Variants in PLEKHB2 observed in about 807,000 individuals in gnomAD.
The protein encoded by PLEKHB2 is pleckstrin homology domain-containing family B member 2.
In PLEKHB2, 31 loss-of-function variants were observed where a neutral mutation model predicts 36.5. The ratio of observed to expected loss-of-function variants is 0.85; its 90% CI spans 0.64 to 1.15. PLEKHB2 has a LOEUF of 1.15. Ranked by LOEUF, PLEKHB2 falls within the 50% of genes most tolerant of loss-of-function variation. The probability of loss-of-function intolerance (pLI) is 0.00; values close to 1 mark genes in which losing one functional copy is unlikely to be tolerated. For missense variants in PLEKHB2, 262 were observed against 295.3 expected (o/e 0.89, Z 0.83); for synonymous variants, 119 against 112.0 (o/e 1.06, Z -0.39).
chr2:131,126,868 GC>G, intron 4 of PLEKHB2, 82 bp downstream of exon 4: 1 of 805,052 alleles, frequency 1.2e-6, no homozygotes, highest in South Asian at 1.5e-5. Context: ...AAAAGAAAGG[GC>G]GTGGAGTTTT....
At chr2:131,121,631 C>G (rs1351595002) in intron 2 of PLEKHB2, among the ~76,000 whole-genome samples, 2 of 152,196 alleles carry the variant, frequency 1.3e-5, no homozygotes, top group African/African-American at 2.4e-5. Context: ...GTGCTGGTCT[C>G]TCTGCCTGTC....
At chr2:131,140,105 C>T (rs1698631926) in intron 6 of PLEKHB2, 62 bp from the exon 7 acceptor site, 1 of 1,006,110 alleles carries the variant, frequency 9.9e-7, no homozygotes, top group Non-Finnish European at 1.5e-6. Flanking sequence ...CTGGAGACCA[C>T]AATTTTAATA....
intron 5 of PLEKHB2, 64 bp from the exon 6 acceptor site, chr2:131,132,838 C>A: frequency 1.1e-6 from 1 of 884,064 alleles, no homozygotes. Context: ...AGGGACAATG[C>A]ACAGCATCGA....
chr2:131,143,657 G>T (rs1347978939), intron 7 of PLEKHB2, among the ~76,000 whole-genome samples: 1 of 152,138 alleles, frequency 6.6e-6, no homozygotes. Flanking sequence ...AGCTTCAGTA[G>T]GTCTCAAGTG....
intron 2 of PLEKHB2, among the ~76,000 whole-genome samples, chr2:131,122,220 C>T (rs1444331854): frequency 6.6e-6 from 1 of 152,104 alleles, no homozygotes; most frequent in Non-Finnish European, 1.5e-5. Context: ...CGGCCTCATA[C>T]TGTGTTTTAA....
chr2:131,135,674 G>A (rs1428196927), intron 6 of PLEKHB2, among the ~76,000 whole-genome samples: 2 of 151,952 alleles, frequency 1.3e-5, no homozygotes, highest in Non-Finnish European at 2.9e-5. Context: ...CGAGATCTCG[G>A]CTCACTGCAA....
In PLEKHB2 at chr2:131,148,987, C is replaced by G. The variant is rs1308260953; in HGVS notation, c.*2214C>G. ...TATTGATTTTTGCTGCCAAAATGCT[C>G]TTGAAGCAGATGTCCCTGTGCTCCC... On this transcript the variant is annotated 3_prime_UTR_variant, in exon 8 of 8. Transcript: ENST00000693505. The G allele has an allele frequency of 6.6e-6, 1 of 151,546 alleles. No individual in the cohort carries two copies. Among genetic ancestry groups the G allele is most frequent in the East Asian group, 1.9e-4 (1 of 5,196 alleles). The allele number at this position is 151,546 out of a possible 1,614,324, so 9.4% of individuals were successfully genotyped here. A position where few individuals can be genotyped will look rare whatever the true frequency, so the allele number is the denominator to read the frequency against.
At chr2:131,131,815 A>T (rs1156764871) in intron 5 of PLEKHB2, among the ~76,000 whole-genome samples, 1 of 150,374 alleles carries the variant, frequency 6.7e-6, no homozygotes, top group Non-Finnish European at 1.5e-5. Context: ...GTTAAGGGCA[A>T]GCTCCCCAAA....
chr2:131,126,735 G>T lies in PLEKHB2; in HGVS notation c.242G>T (p.Cys81Phe). ...AAAGACTGCATGCTCCAGATTGTTTGTCGAGATGGGAAAACAATTAGTCTT... is the reference window on the plus strand; with the variant it reads ...AAAGACTGCATGCTCCAGATTGTTTTTCGAGATGGGAAAACAATTAGTCTT... ...KSKDCMLQIV[C>F]RDGKTISLCA... Residue 81 changes from cysteine (C) to phenylalanine (F), a missense_variant, in exon 4 of 8, where the codon TGT becomes TTT. By Grantham distance (205) the Cys-to-Phe change is radical. Transcript: ENST00000693505. 4 of 1,612,152 alleles carry T rather than the reference G, an allele frequency of 2.5e-6. No individual in the cohort carries two copies. The highest frequency in any genetic ancestry group is 3.4e-6 in the Non-Finnish European group (4 of 1,178,170).
chr2:131,126,097 A>G (rs1294426330), intron 3 of PLEKHB2, among the ~76,000 whole-genome samples, 192 bp downstream of exon 3: 5 of 152,200 alleles, frequency 3.3e-5, no homozygotes, highest in Non-Finnish European at 5.9e-5. Context: ...CAGTGTTCTC[A>G]GTCCACGTCC....
At chr2:131,126,010 G>A in intron 3 of PLEKHB2, 105 bp downstream of exon 3, 1 of 1,146,482 alleles carries the variant, frequency 8.7e-7, no homozygotes, top group Non-Finnish European at 1.2e-6. Flanking sequence ...ACAGATTGAA[G>A]AAGGGCTCCA....
chr2:131,146,529 G>A, intron 7 of PLEKHB2, 108 bp from the exon 8 acceptor site: 1 of 1,177,856 alleles, frequency 8.5e-7, no homozygotes, highest in Non-Finnish European at 1.2e-6. Flanking sequence ...GGTCGCCAGT[G>A]TGACAGGAGA....
intron 1 of PLEKHB2, among the ~76,000 whole-genome samples, chr2:131,110,101 TGAGAC>T (rs1317995530): frequency 6.6e-6 from 1 of 151,518 alleles, no homozygotes; most frequent in African/African-American, 2.4e-5. Context: ...GGTGACAGAG[TGAGAC>T]TCCGTCTCAA....
At chr2:131,120,010 C>T (rs1451632997) in intron 1 of PLEKHB2, among the ~76,000 whole-genome samples, 1 of 150,756 alleles carries the variant, frequency 6.6e-6, no homozygotes, top group Non-Finnish European at 1.5e-5. Context: ...ACTCTGTTGC[C>T]CAGGCTGGAG....
At chr2:131,106,437 C>T (rs553384198) in intron 1 of PLEKHB2, among the ~76,000 whole-genome samples, 1 of 152,214 alleles carries the variant, frequency 6.6e-6, no homozygotes, top group East Asian at 1.9e-4. Context: ...AATTAGGACC[C>T]GAGCTGGCAC....
chr2:131,116,396 C>T (rs1695878242), intron 1 of PLEKHB2, among the ~76,000 whole-genome samples: 1 of 152,148 alleles, frequency 6.6e-6, no homozygotes, highest in African/African-American at 2.4e-5. Flanking sequence ...TTCTCATACT[C>T]CTTTAAAGAA....
chr2:131,126,041 TGGG>T, intron 3 of PLEKHB2, 136 bp downstream of exon 3: 1 of 786,880 alleles, frequency 1.3e-6, no homozygotes, highest in Non-Finnish European at 2.0e-6. Flanking sequence ...GCGACCACAG[TGGG>T]GCCCCAGGCA....
intron 1 of PLEKHB2, among the ~76,000 whole-genome samples, chr2:131,116,117 A>G (rs1695846852): frequency 1.3e-5 from 2 of 152,260 alleles, no homozygotes; most frequent in Admixed American, 6.5e-5. Flanking sequence ...TTTCTGTCTC[A>G]TAATCTGATT....
intron 2 of PLEKHB2, 67 bp downstream of exon 2, chr2:131,121,045 A>C: frequency 1.3e-6 from 2 of 1,492,088 alleles, no homozygotes. Context: ...TGTTTGCTTA[A>C]AGTTGATCAT....
Sources: allele counts gnomAD v4.1 joint callset (sites outside exome capture counted in the v4.1 genomes callset), GRCh38; gene constraint gnomAD v4.1.1; transcripts MANE v1.5; gene names NCBI Gene and HGNC (gene_info 2026-07-23, HGNC 2026-07-21).